The following NEK3 variants were observed in gnomAD, a reference collection of about 807,000 sequenced individuals.
NEK3 encodes the protein NIMA related kinase 3.
NEK3 carries 54 observed loss-of-function variants against 66.0 expected under a neutral mutation model. The ratio of observed to expected loss-of-function variants is 0.82; its 90% CI spans 0.66 to 1.03. The LOEUF is 1.03. Ranked by LOEUF, NEK3 falls within the 50% of genes least tolerant of loss-of-function variation. The pLI is 0.00. For synonymous variants in NEK3, 200 were observed against 206.2 expected (o/e 0.97, Z 0.26); for missense variants, 593 against 603.0 (o/e 0.98, Z 0.17).
chr13:52,159,394 G>C (rs1205643496), intron 1 of NEK3, 149 bp downstream of exon 1: 1 of 152,428 alleles, frequency 6.6e-6, no homozygotes, highest in Admixed American at 6.5e-5. Context: ...GCGGGTTTGC[G>C]GCGAGTGGTC....
chr13:52,136,191 C>T lies in NEK3; in HGVS notation c.1099G>A (p.Val367Ile), dbSNP rs189830443. Residue 367 changes from valine to isoleucine, a missense_variant, in exon 13 of 16, where the codon GTA (valine) becomes ATA (isoleucine). Coordinates refer to ENST00000610828, the MANE Select transcript of NEK3 (RefSeq NM_002498.3). ...AAAGCTGTAAGAGCTGTATTGGGTA[C>T]ATTTTTCTCCCACTGTCGTCTATGA... ...NLHRRQWEKN[V>I]PNTALTALEN... The T allele has an allele frequency of 2.6e-4, 423 of 1,613,790 alleles. No individual in the cohort carries two copies. Among genetic ancestry groups the T allele is most frequent in the Non-Finnish European group, 3.4e-4 (404 of 1,179,736 alleles).
At chr13:52,149,640 C>T (rs1185312418) in intron 7 of NEK3, among the ~76,000 whole-genome samples, 3 of 151,992 alleles carry the variant, frequency 2.0e-5, no homozygotes, top group African/African-American at 4.8e-5. Context: ...GAGGCCGAGC[C>T]GGGCAGATCA....
At chr13:52,150,041 AT>A (rs1173181248) in intron 7 of NEK3, among the ~76,000 whole-genome samples, 1 of 152,152 alleles carries the variant, frequency 6.6e-6, no homozygotes, top group African/African-American at 2.4e-5. Flanking sequence ...GCATACCCAA[AT>A]TTCCCCAATT....
intron 10 of NEK3, among the ~76,000 whole-genome samples, chr13:52,142,358 C>CTCGG: frequency 6.6e-6 from 1 of 151,620 alleles, no homozygotes; most frequent in Non-Finnish European, 1.5e-5. Context: ...CTCACTGCAA[C>CTCGG]CTCCACCTCC....
chr13:52,141,671 T>C (rs1956251081), intron 10 of NEK3, among the ~76,000 whole-genome samples: 1 of 152,174 alleles, frequency 6.6e-6, no homozygotes, highest in Non-Finnish European at 1.5e-5. Flanking sequence ...CCTGCCCTGT[T>C]CCATTTCATT....
chr13:52,158,330 AAAT>A (rs1956412356), intron 1 of NEK3, among the ~76,000 whole-genome samples: 1 of 152,236 alleles, frequency 6.6e-6, no homozygotes, highest in Admixed American at 6.5e-5. Flanking sequence ...GAAATCCTAG[AAAT>A]AATTTCTTCA....
chr13:52,152,579 T>A, intron 5 of NEK3, 30 bp downstream of exon 5: 1 of 1,475,578 alleles, frequency 6.8e-7, no homozygotes, highest in Non-Finnish European at 9.3e-7. Flanking sequence ...GGACTTTTTT[T>A]TTTTAAGTCC....
At chr13:52,143,536 G>T (rs1283053223) in intron 10 of NEK3, among the ~76,000 whole-genome samples, 1 of 152,104 alleles carries the variant, frequency 6.6e-6, no homozygotes, top group African/African-American at 2.4e-5. Flanking sequence ...CTGTTTATAC[G>T]ATGGTTCTTC....
At chr13:52,135,910 T>G in intron 13 of NEK3, 47 bp from the exon 14 acceptor site, 1 of 1,588,288 alleles carries the variant, frequency 6.3e-7, no homozygotes. Context: ...AAAAGATTTT[T>G]CAGCATGTAC....
At chr13:52,138,133 C>T (rs750641974) in intron 11 of NEK3, among the ~76,000 whole-genome samples, 4 of 152,130 alleles carry the variant, frequency 2.6e-5, no homozygotes, top group East Asian at 1.9e-4. Context: ...GCGATCCTCC[C>T]GCCTCAGCTT....
intron 7 of NEK3, among the ~76,000 whole-genome samples, chr13:52,149,592 G>A (rs1017143245): frequency 7.2e-5 from 11 of 152,028 alleles, no homozygotes; most frequent in African/African-American, 1.9e-4. Context: ...GTTGCCCGCC[G>A]GGCATGGTGG....
At chr13:52,144,131 A>T (rs557212257) in intron 9 of NEK3, 144 bp from the exon 10 acceptor site, 3 of 569,570 alleles carry the variant, frequency 5.3e-6, no homozygotes, top group East Asian at 6.4e-5. Flanking sequence ...AAGTACATAC[A>T]GGCCGGGCAT....
At position 52,133,002 on chromosome 13, in the gene NEK3, C is replaced by G; in HGVS notation, c.*140G>C. The stretch of plus-strand genomic sequence containing the variant: ...TCAAACTCACGATACTAATCAAGAA[C>G]GATTTTAAGTATTAAGAGTTTCCTC... On this transcript the variant is annotated 3_prime_UTR_variant, in exon 16 of 16. Coordinates refer to ENST00000610828, the MANE Select transcript of NEK3 (RefSeq NM_002498.3). The G allele has an allele frequency of 1.4e-6, 1 of 691,642 alleles. No homozygotes were observed. Among genetic ancestry groups the G allele is most frequent in the South Asian group, 1.9e-5 (1 of 52,624 alleles). 42.8% of individuals were successfully genotyped at this position (691,642 alleles called of 1,614,324 possible).
intron 4 of NEK3, among the ~76,000 whole-genome samples, chr13:52,152,964 C>A (rs1343250572): frequency 6.6e-6 from 1 of 152,036 alleles, no homozygotes; most frequent in Non-Finnish European, 1.5e-5. Context: ...TATATTCAAC[C>A]AAATAAAAGT....
At chr13:52,140,983 G>T in intron 11 of NEK3, 37 bp downstream of exon 11, 1 of 1,531,456 alleles carries the variant, frequency 6.5e-7, no homozygotes. Context: ...CCCGGCCACC[G>T]CGCCCGGCCT....
chr13:52,135,320 T>C (rs1041498692), intron 14 of NEK3, among the ~76,000 whole-genome samples: 3 of 152,130 alleles, frequency 2.0e-5, no homozygotes, highest in Non-Finnish European at 4.4e-5. Context: ...AATGGCATAT[T>C]TGCATGATAA....
rs1399217653 is a variant in NEK3, at chr13:52,151,160, A to G, written c.534T>C (p.Pro178=). ...YVPPEIWENL[P]YNNKSDIWSL... is the part of the protein sequence containing the mutation. ...GCAGCACTCACCTTTTATTGTTATA[A>G]GGCAGGTTTTCCCAAATTTCTGGAG... Residue 178 remains proline, a synonymous_variant, in exon 7 of 16, where the codon CCT becomes CCC. Transcript: ENST00000610828. 10 of 1,608,286 alleles carry G rather than the reference A, an allele frequency of 6.2e-6. No individual in the cohort carries two copies. Among genetic ancestry groups the G allele is most frequent in the Non-Finnish European group, 8.5e-6 (10 of 1,177,424 alleles).
At chr13:52,142,536 T>A (rs563710929) in intron 10 of NEK3, among the ~76,000 whole-genome samples, 5 of 152,270 alleles carry the variant, frequency 3.3e-5, no homozygotes, top group Admixed American at 2.0e-4. Context: ...TCGGCTTCCC[T>A]AAGTGCTGGG....
chr13:52,133,648 CCCA>C (rs1480465416), intron 15 of NEK3, 38 bp downstream of exon 15: 1 of 1,547,814 alleles, frequency 6.5e-7, no homozygotes. Context: ...CACACACACC[CCCA>C]ACCCCAGCTA....
Sources: allele counts gnomAD v4.1 joint callset (sites outside exome capture counted in the v4.1 genomes callset), GRCh38; gene constraint gnomAD v4.1.1; transcripts MANE v1.5; gene names NCBI Gene and HGNC (gene_info 2026-07-23, HGNC 2026-07-21).